Variants in UBASH3B observed in about 807,000 individuals in gnomAD.
UBASH3B encodes ubiquitin associated and SH3 domain containing B.
Under a neutral mutation model 83.4 loss-of-function variants are expected in UBASH3B, and 37 were observed. That is an observed-to-expected ratio of 0.44 (90% confidence interval 0.34 to 0.58). The LOEUF (loss-of-function observed/expected upper bound fraction) is 0.58, where lower values mean the gene tolerates loss of function less well. UBASH3B is among the 20% of genes least tolerant of loss of function. The probability of loss-of-function intolerance (pLI) is 0.01; values close to 1 mark genes in which losing one functional copy is unlikely to be tolerated. For synonymous variants in UBASH3B, 304 were observed against 318.3 expected, an observed-to-expected ratio of 0.96 and a Z score of 0.48; for missense variants, 657 against 827.2, an observed-to-expected ratio of 0.79 and a Z score of 2.52.
chr11:122,745,094 A>G (rs1861096752), intron 1 of UBASH3B, among the ~76,000 whole-genome samples: 1 of 152,220 alleles, frequency 6.6e-6, no homozygotes, highest in African/African-American at 2.4e-5. Flanking sequence ...GGCATCTGCA[A>G]GCACGTCCTG....
chr11:122,786,281 C>T (rs1470149912), intron 5 of UBASH3B, among the ~76,000 whole-genome samples: 5 of 152,026 alleles, frequency 3.3e-5, no homozygotes, highest in Non-Finnish European at 5.9e-5. Context: ...GATCTCCTAA[C>T]CTCATGATCC....
intron 7 of UBASH3B, among the ~76,000 whole-genome samples, chr11:122,795,823 A>G (rs1861144389): frequency 2.0e-5 from 3 of 152,242 alleles, no homozygotes; most frequent in Admixed American, 2.0e-4. Context: ...GGCTCTCTCT[A>G]CATGAATGGC....
intron 1 of UBASH3B, chr11:122,775,961 C>T: frequency 5.1e-6 from 2 of 395,940 alleles, no homozygotes; most frequent in South Asian, 9.8e-5. Context: ...AATGTGGAAA[C>T]TGCTGAAAAT....
chr11:122,812,295 C>T lies in UBASH3B; in HGVS notation c.*2409C>T, dbSNP rs546567898. On this transcript the variant is annotated 3_prime_UTR_variant, in exon 14 of 14. Transcript: ENST00000284273. ...AAATGGCCCAAAAGATCTGAATTCA[C>T]ATTAAGTTCCCCTTGCACACTTACC... 1 of 152,354 alleles carries T rather than the reference C, an allele frequency of 6.6e-6. No individual in the cohort carries two copies. The highest frequency in any genetic ancestry group is 2.1e-4 in the South Asian group (1 of 4,832). The allele number at this position is 152,354 out of a possible 1,614,324, so 9.4% of individuals were successfully genotyped here.
Position 122,725,342 on chromosome 11 carries a change from A to AAAAAAAAAAG in UBASH3B, c.162-50875_162-50874insAAAAAAAGAA, listed in dbSNP as rs71281633. ...AGCACCATAAACAAAAAAAAAAAAA[A>AAAAAAAAAAG]AAGAAAAGAAAAGAAACAAACTCAA... On this transcript the variant is annotated intron_variant, in intron 1 of 13. Coordinates refer to ENST00000284273, the MANE Select transcript of UBASH3B (RefSeq NM_032873.5). Among the ~76,000 whole-genome samples the AAAAAAAAAAG allele has an allele frequency of 1.2e-3, 158 of 130,774 alleles. 1 individual carries two copies. Among genetic ancestry groups the AAAAAAAAAAG allele is most frequent in the Admixed American group, 2.0e-3 (24 of 11,994 alleles). 85.8% of individuals were successfully genotyped at this position (130,774 alleles called of 152,430 possible).
chr11:122,741,839 A>G (rs1454712205), intron 1 of UBASH3B, among the ~76,000 whole-genome samples: 2 of 151,868 alleles, frequency 1.3e-5, no homozygotes, highest in South Asian at 2.1e-4. Flanking sequence ...TGCTTCCTGG[A>G]CCCTTCTGCT....
chr11:122,793,239 C>T (rs557983174), intron 6 of UBASH3B, among the ~76,000 whole-genome samples: 204 of 152,048 alleles, frequency 1.3e-3, no homozygotes, highest in South Asian at 8.6e-3. Flanking sequence ...AAAAATTAGC[C>T]GGGCGTGGTG....
intron 1 of UBASH3B, among the ~76,000 whole-genome samples, chr11:122,694,921 T>A (rs935027892): frequency 6.6e-6 from 1 of 150,508 alleles, no homozygotes; most frequent in Non-Finnish European, 1.5e-5. Context: ...TTTATTTTTA[T>A]TTTATTTTAT....
intron 1 of UBASH3B, among the ~76,000 whole-genome samples, chr11:122,723,695 C>T (rs541391745): frequency 1.1e-4 from 16 of 152,160 alleles, no homozygotes; most frequent in Non-Finnish European, 1.6e-4. Context: ...CAAAGAGCAC[C>T]GGGTAGAAAC....
intron 1 of UBASH3B, among the ~76,000 whole-genome samples, chr11:122,748,375 C>T (rs941237948): frequency 2.0e-5 from 3 of 152,158 alleles, no homozygotes; most frequent in African/African-American, 4.8e-5. Context: ...GATTCAGTAA[C>T]GATCAACATA....
intron 1 of UBASH3B, among the ~76,000 whole-genome samples, chr11:122,706,106 C>CT (rs36055058): frequency 0.29 from 36,678 of 126,670 alleles, 6,103 homozygotes; most frequent in Non-Finnish European, 0.38. Context: ...TCTTTTCTTT[C>CT]TTTTTTTTTT....
At chr11:122,733,486 G>C (rs536481180) in intron 1 of UBASH3B, among the ~76,000 whole-genome samples, 15 of 152,286 alleles carry the variant, frequency 9.8e-5, no homozygotes, top group African/African-American at 2.6e-4. Flanking sequence ...CAAGTGCCTC[G>C]CGCCAAAGCA....
rs765509253 is a variant in UBASH3B at position 122,765,843 on chromosome 11, A to G, written c.162-10376A>G. Among the ~76,000 whole-genome samples the G allele has an allele frequency of 1.6e-4, 25 of 151,836 alleles. 1 individual carries two copies. Among genetic ancestry groups the G allele is most frequent in the Non-Finnish European group, 2.6e-4 (18 of 67,962 alleles). ...CTATGATTGTGGCTTTAGTGTCTTC[A>G]CCCTCCCTTTACACAGCTTCATGTA... On this transcript the variant is annotated intron_variant, in intron 1 of 13. Coordinates refer to ENST00000284273, the MANE Select transcript of UBASH3B (RefSeq NM_032873.5).
chr11:122,807,058 CTTTT>C (rs1170032090), intron 12 of UBASH3B, among the ~76,000 whole-genome samples: 1 of 152,184 alleles, frequency 6.6e-6, no homozygotes, highest in Admixed American at 6.5e-5. Context: ...CCCTTCATCT[CTTTT>C]TTTAAGTTAA....
At chr11:122,700,497 C>CTT (rs10640825) in intron 1 of UBASH3B, among the ~76,000 whole-genome samples, 41,112 of 118,612 alleles carry the variant, frequency 0.35, 8,970 homozygotes, top group Non-Finnish European at 0.39. Context: ...TACTTCTGAT[C>CTT]TTTTTTTTTT....
At chr11:122,666,403 T>C (rs1159554235) in intron 1 of UBASH3B, among the ~76,000 whole-genome samples, 1 of 152,128 alleles carries the variant, frequency 6.6e-6, no homozygotes, top group African/African-American at 2.4e-5. Context: ...TTTTGTTTTT[T>C]TTTTCTTTTG....
At chr11:122,711,592 C>A (rs1308428201) in intron 1 of UBASH3B, among the ~76,000 whole-genome samples, 4 of 152,234 alleles carry the variant, frequency 2.6e-5, no homozygotes, top group African/African-American at 9.7e-5. Flanking sequence ...GTCTCCTGAG[C>A]ATGCCCCCGG....
At chr11:122,805,165 A>G (rs1861316523) in intron 11 of UBASH3B, among the ~76,000 whole-genome samples, 2 of 151,988 alleles carry the variant, frequency 1.3e-5, no homozygotes, top group African/African-American at 4.9e-5. Context: ...AGGCAAGGAG[A>G]AGCAAGTCAC....
intron 1 of UBASH3B, among the ~76,000 whole-genome samples, chr11:122,709,985 G>A (rs1016622406): frequency 3.3e-5 from 5 of 151,834 alleles, no homozygotes; most frequent in African/African-American, 1.2e-4. Context: ...GTGAAAGCCC[G>A]TCTCCACTAA....
Sources: gnomAD v4.1 joint callset for allele counts (sites outside exome capture counted in the v4.1 genomes callset) on GRCh38, gnomAD v4.1.1 for gene constraint, MANE v1.5 for transcripts, NCBI Gene and HGNC (gene_info 2026-07-23, HGNC 2026-07-21) for gene names.